Variants in SAMD3 observed in about 807,000 individuals in gnomAD.
SAMD3 encodes the protein sterile alpha motif domain containing 3.
A neutral mutation model predicts 58.5 loss-of-function variants in SAMD3; 63 were observed. That is an observed-to-expected ratio of 1.08 (90% confidence interval 0.88 to 1.33). SAMD3 has a LOEUF of 1.33. Ranked by LOEUF, SAMD3 falls within the 40% of genes most tolerant of loss-of-function variation. The pLI is 0.00. For missense variants in SAMD3, 604 were observed against 608.4 expected (o/e 0.99, Z 0.08); for synonymous variants, 220 against 210.3 (o/e 1.05, Z -0.40).
At chr6:130,273,110 T>G (rs1477761869) in intron 2 of SAMD3, among the ~76,000 whole-genome samples, 2 of 152,006 alleles carry the variant, frequency 1.3e-5, no homozygotes, top group African/African-American at 2.4e-5. Context: ...TGAGGTGACA[T>G]GAAGCTTTTT....
chr6:130,152,354 G>A (rs1255784105), intron 9 of SAMD3, among the ~76,000 whole-genome samples: 2 of 152,066 alleles, frequency 1.3e-5, no homozygotes, highest in African/African-American at 4.8e-5. Context: ...GTACTTCCTG[G>A]AAAAACCGAA....
At position 130,184,598 on chromosome 6, in the gene SAMD3, T is replaced by G; in HGVS notation, c.409A>C (p.Arg137=). The change falls in exon 6 of 12, where the codon AGA becomes CGA. Residue 137 remains arginine, a synonymous_variant. Transcript: ENST00000439090. The part of the protein sequence containing the change: ...QRRNVKQILA[R]SKALQWTKSY... ...TTCGTCCACTGTAATGCTTTGCTTC[T>G]TGCTAGAATTTGTTTCACATTTCTT... 6.2e-7 allele frequency: 1 copy of G among 1,608,030 alleles called. No homozygotes were observed. The highest frequency in any genetic ancestry group is 8.5e-7 in the Non-Finnish European group (1 of 1,177,388).
intron 6 of SAMD3, 120 bp downstream of exon 6, chr6:130,184,318 A>C (rs889287355): frequency 8.7e-7 from 1 of 1,148,202 alleles, no homozygotes; most frequent in Non-Finnish European, 1.2e-6. Flanking sequence ...ATATTGGGCA[A>C]TTGGGACCTA....
chr6:130,282,124 C>CCACA (rs3029993), intron 2 of SAMD3, among the ~76,000 whole-genome samples: 18,230 of 151,548 alleles, frequency 0.12, 1,500 homozygotes, highest in East Asian at 0.36. Flanking sequence ...TTCACACAAG[C>CCACA]CACACACACA....
intron 2 of SAMD3, among the ~76,000 whole-genome samples, chr6:130,235,628 T>G (rs1773119771): frequency 6.6e-6 from 1 of 152,146 alleles, no homozygotes; most frequent in Non-Finnish European, 1.5e-5. Context: ...ACTCTCAAAT[T>G]TTAGGTAAAA....
intron 2 of SAMD3, among the ~76,000 whole-genome samples, chr6:130,235,187 T>C (rs1773103735): frequency 6.6e-6 from 1 of 152,248 alleles, no homozygotes. Flanking sequence ...TTTATTAAAG[T>C]AATATGAAAA....
Position 130,339,345 on chromosome 6 carries a change from C to T in SAMD3, c.-304+25775G>A, listed in dbSNP as rs112051076. Among the ~76,000 whole-genome samples the T allele has an allele frequency of 8.7e-3, 1,325 of 152,270 alleles. 19 individuals carry two copies. The highest frequency in any genetic ancestry group is 0.03 in the African/African-American group (1,264 of 41,538). On this transcript the variant is annotated intron_variant, in intron 1 of 13. Coordinates refer to the SAMD3 transcript ENST00000368134. ...TACAGGTGTGAGCCACTGCTCCCAGCCCCGAATCTCATCTTAAATTGTAAT... is the reference window on the plus strand; with the variant it reads ...TACAGGTGTGAGCCACTGCTCCCAGTCCCGAATCTCATCTTAAATTGTAAT...
chr6:130,271,584 A>G (rs1774564740), intron 2 of SAMD3, among the ~76,000 whole-genome samples: 1 of 152,166 alleles, frequency 6.6e-6, no homozygotes, highest in African/African-American at 2.4e-5. Flanking sequence ...ATGTGTTGCA[A>G]ATATGGTTTC....
At chr6:130,180,846 G>A (rs914100274) in intron 7 of SAMD3, among the ~76,000 whole-genome samples, 2 of 152,104 alleles carry the variant, frequency 1.3e-5, no homozygotes, top group Non-Finnish European at 2.9e-5. Flanking sequence ...ACAGTCAAGA[G>A]GTTGAGAAAA....
At chr6:130,215,869 G>A (rs1795978656) in intron 2 of SAMD3, 4 of 1,527,730 alleles carry the variant, frequency 2.6e-6, no homozygotes, top group Non-Finnish European at 3.5e-6. Flanking sequence ...AGCAAGAAGA[G>A]GAAGTAGGAC....
intron 3 of SAMD3, 121 bp from the exon 4 acceptor site, chr6:130,214,647 A>G: frequency 1.6e-6 from 1 of 609,378 alleles, no homozygotes; most frequent in Non-Finnish European, 2.6e-6. Context: ...TGACATTATA[A>G]ATTTATCCAT....
chr6:130,196,770 C>A (rs1221711710), intron 5 of SAMD3, among the ~76,000 whole-genome samples: 2 of 144,416 alleles, frequency 1.4e-5, no homozygotes, highest in African/African-American at 5.0e-5. Flanking sequence ...CAACATGCCC[C>A]GAGTCAGATA....
At chr6:130,324,133 G>A (rs1229134632) in intron 1 of SAMD3, among the ~76,000 whole-genome samples, 1 of 151,878 alleles carries the variant, frequency 6.6e-6, no homozygotes, top group Non-Finnish European at 1.5e-5. Context: ...TTTACATAGA[G>A]CAAATTACTG....
chr6:130,152,401 G>T (rs1418688011), intron 9 of SAMD3, among the ~76,000 whole-genome samples: 2 of 152,188 alleles, frequency 1.3e-5, no homozygotes, highest in African/African-American at 4.8e-5. Context: ...ATCAGGTCGG[G>T]CACGGTGGCT....
intron 1 of SAMD3, among the ~76,000 whole-genome samples, chr6:130,315,127 T>TG (rs1776317537): frequency 6.6e-6 from 1 of 151,582 alleles, no homozygotes; most frequent in African/African-American, 2.4e-5. Context: ...CAGCAATATT[T>TG]TTGGCTTATA....
At chr6:130,179,030 CA>C (rs918843217) in intron 7 of SAMD3, among the ~76,000 whole-genome samples, 3 of 149,294 alleles carry the variant, frequency 2.0e-5, no homozygotes, top group African/African-American at 7.7e-5. Context: ...AAGTATAGTA[CA>C]TTTTTTTTCC....
intron 8 of SAMD3, among the ~76,000 whole-genome samples, chr6:130,174,836 T>A: frequency 6.6e-6 from 1 of 152,250 alleles, no homozygotes; most frequent in African/African-American, 2.4e-5. Flanking sequence ...AAAATTAGAA[T>A]AAGATATTTA....
intron 1 of SAMD3, among the ~76,000 whole-genome samples, chr6:130,349,523 G>C (rs1777580692): frequency 6.6e-6 from 1 of 152,194 alleles, no homozygotes; most frequent in South Asian, 2.1e-4. Context: ...AAACCGGGAA[G>C]AAGTTGAATC....
chr6:130,351,616 T>C (rs946584123), intron 1 of SAMD3, among the ~76,000 whole-genome samples: 3 of 152,200 alleles, frequency 2.0e-5, no homozygotes, highest in African/African-American at 7.2e-5. Context: ...GGAACACTTT[T>C]ACACTGTTGG....
Sources: allele counts gnomAD v4.1 joint callset (sites outside exome capture counted in the v4.1 genomes callset), GRCh38; gene constraint gnomAD v4.1.1; transcripts MANE v1.5; gene names NCBI Gene and HGNC (gene_info 2026-07-23, HGNC 2026-07-21).